The following CASZ1 variants were observed in gnomAD, a reference collection of about 807,000 sequenced individuals.
CASZ1 encodes zinc finger protein castor homolog 1.
A neutral mutation model predicts 135.2 loss-of-function variants in CASZ1; 28 were observed. The ratio of observed to expected loss-of-function variants is 0.21; its 90% CI spans 0.15 to 0.28. The LOEUF (loss-of-function observed/expected upper bound fraction) is 0.28, where lower values mean the gene tolerates loss of function less well. Ranked by LOEUF, CASZ1 falls within the 10% of genes least tolerant of loss-of-function variation. The pLI is 1.00. For missense variants in CASZ1, 2,161 were observed against 2,453.3 expected (o/e 0.88, Z 2.52); for synonymous variants, 1,068 against 1,073.4 (o/e 0.99, Z 0.10).
chr1:10,750,898 C>CAA (rs966893266), intron 2 of CASZ1, among the ~76,000 whole-genome samples: 7 of 149,490 alleles, frequency 4.7e-5, no homozygotes, highest in African/African-American at 1.7e-4. Flanking sequence ...GACTCTGTCT[C>CAA]AAAAAATATA....
In CASZ1 at chr1:10,653,431, T is replaced by A; in HGVS notation, c.2626A>T (p.Met876Leu). The change falls in exon 11 of 21, where the codon ATG becomes TTG. Residue 876 changes from methionine to leucine, a missense_variant. This residue lies in a region of CASZ1 where 406 missense variants were observed against 387.6 expected (regional missense o/e 1.05). Coordinates refer to ENST00000377022, the MANE Select transcript of CASZ1 (RefSeq NM_001079843.3). ...ISASKGLISP[M>L]MARLAAAALK... is the part of the protein sequence containing the mutation. Reference sequence around the variant, plus strand: ...GCAGCTGCAGCCAGCCTGGCCATCATGGGCGAGATGAGGCCCTTGCTTGCA... The same window carrying A: ...GCAGCTGCAGCCAGCCTGGCCATCAAGGGCGAGATGAGGCCCTTGCTTGCA... 1 of 1,613,344 alleles carries A rather than the reference T, an allele frequency of 6.2e-7. No individual in the cohort carries two copies. The highest frequency in any genetic ancestry group is 8.5e-7 in the Non-Finnish European group (1 of 1,180,016).
chr1:10,662,623 C>T (rs144506437), intron 5 of CASZ1, among the ~76,000 whole-genome samples: 111 of 151,836 alleles, frequency 7.3e-4, no homozygotes, highest in Middle Eastern at 3.5e-3. Flanking sequence ...CATCCAGACA[C>T]GCAGTCACAT....
In CASZ1 at chr1:10,719,677, GC is replaced by G. The variant is rs1639460215; in HGVS notation, c.-76-14134del. Among the ~76,000 whole-genome samples the G allele has an allele frequency of 6.6e-6, 1 of 152,232 alleles. No homozygotes were observed. Among genetic ancestry groups the G allele is most frequent in the Non-Finnish European group, 1.5e-5 (1 of 68,044 alleles). ...GAGCTGGGCCATGCCCTCAGGTACT[GC>G]CCAATCCTGAAGCCCGTGGGTCCCA... On this transcript the variant is annotated intron_variant, in intron 2 of 20. Coordinates refer to ENST00000377022, the MANE Select transcript of CASZ1 (RefSeq NM_001079843.3). The surrounding 1 kb of genome is among the most constrained non-coding windows in gnomAD (Gnocchi z 4.0).
At chr1:10,664,101 G>A (rs145136221) in intron 5 of CASZ1, among the ~76,000 whole-genome samples, 52 of 152,342 alleles carry the variant, frequency 3.4e-4, no homozygotes, top group African/African-American at 1.2e-3. Flanking sequence ...CTCTGTCACT[G>A]ATGTGGCGAA....
chr1:10,782,811 G>A (rs1048263008), intron 1 of CASZ1, among the ~76,000 whole-genome samples: 1 of 152,222 alleles, frequency 6.6e-6, no homozygotes, highest in African/African-American at 2.4e-5. Context: ...GCTGGGGCAC[G>A]ACCCCTGCTG....
chr1:10,682,096 A>G lies in CASZ1; in HGVS notation c.16+11778T>C, dbSNP rs1441797015. Among the ~76,000 whole-genome samples, 3 of 152,048 alleles carry G rather than the reference A, an allele frequency of 2.0e-5. No individual in the cohort carries two copies. The East Asian group carries it at 5.8e-4, about 29-fold the overall frequency. ...GGGATTGAAAAAAAGATGGGGGAAAATCCCATACCAAGCCCCACCATCTCC... is the reference window on the plus strand; with the variant it reads ...GGGATTGAAAAAAAGATGGGGGAAAGTCCCATACCAAGCCCCACCATCTCC... On this transcript the variant is annotated intron_variant, in intron 4 of 20. Coordinates refer to ENST00000377022, the MANE Select transcript of CASZ1 (RefSeq NM_001079843.3).
rs143273246 is a variant in CASZ1, at chr1:10,757,564, G to A, written c.-77+3137C>T. Among the ~76,000 whole-genome samples, 2,252 of 152,260 alleles carry A rather than the reference G, an allele frequency of 0.015. 26 individuals are homozygous for A. The highest frequency in any genetic ancestry group is 0.027 in the South Asian group (130 of 4,818). On this transcript the variant is annotated intron_variant, in intron 2 of 20. Coordinates refer to ENST00000377022, the MANE Select transcript of CASZ1 (RefSeq NM_001079843.3). The surrounding 1 kb of genome is among the most constrained non-coding windows in gnomAD (Gnocchi z 4.6). Reference sequence around the variant, plus strand: ...GCACCTTGGGGGGCTGAGGTGGGTGGATCACTTGAGGTTAGGAGTTTGAGA... The same window carrying A: ...GCACCTTGGGGGGCTGAGGTGGGTGAATCACTTGAGGTTAGGAGTTTGAGA...
chr1:10,796,639 G>A lies in CASZ1; in HGVS notation c.-309C>T, dbSNP rs1445675323. 1.3e-5 allele frequency: 2 copies of A among 152,294 alleles called. No homozygotes were observed. Among genetic ancestry groups the A allele is most frequent in the African/African-American group, 4.8e-5 (2 of 41,476 alleles). 9.4% of individuals were successfully genotyped at this position (152,294 alleles called of 1,614,324 possible). Reference sequence around the variant, plus strand: ...GTGTGTGTTTGGGATGGAGCGCCGCGGGCGCGCATGCGCTGCCCAAAGTTG... The same window carrying A: ...GTGTGTGTTTGGGATGGAGCGCCGCAGGCGCGCATGCGCTGCCCAAAGTTG... On this transcript the variant is annotated 5_prime_UTR_variant, in exon 1 of 21. Coordinates refer to ENST00000377022, the MANE Select transcript of CASZ1 (RefSeq NM_001079843.3).
intron 2 of CASZ1, among the ~76,000 whole-genome samples, chr1:10,723,653 AG>A (rs1002849841): frequency 4.2e-4 from 64 of 152,300 alleles, no homozygotes; most frequent in African/African-American, 1.5e-3. Flanking sequence ...CTTAGAGGAA[AG>A]GACCCTCCAG....
chr1:10,686,924 G>A (rs558840842), intron 4 of CASZ1, among the ~76,000 whole-genome samples: 30 of 152,342 alleles, frequency 2.0e-4, no homozygotes, highest in African/African-American at 7.2e-4. Context: ...TGGAGAGCCG[G>A]GTCATCCTTT....
intron 1 of CASZ1, among the ~76,000 whole-genome samples, chr1:10,779,736 A>G (rs551795339): frequency 6.6e-6 from 1 of 152,294 alleles, no homozygotes; most frequent in African/African-American, 2.4e-5. Flanking sequence ...TTTTTCACTC[A>G]TATAATAAAC....
chr1:10,740,847 C>T lies in CASZ1; in HGVS notation c.-77+19854G>A, dbSNP rs531853648. Among the ~76,000 whole-genome samples the T allele has an allele frequency of 8.7e-5, 13 of 149,106 alleles. No homozygotes were observed. The South Asian group carries it at 2.8e-3, about 32-fold the overall frequency. On this transcript the variant is annotated intron_variant, in intron 2 of 20. Coordinates refer to ENST00000377022, the MANE Select transcript of CASZ1 (RefSeq NM_001079843.3). ...GTGGCGCACACCTGTAGTTCTGGCTCCTTGGGAGGCTAAAGTGGGAGGATT... is the reference window on the plus strand; with the variant it reads ...GTGGCGCACACCTGTAGTTCTGGCTTCTTGGGAGGCTAAAGTGGGAGGATT...
At chr1:10,664,558 G>A (rs906037766) in intron 5 of CASZ1, among the ~76,000 whole-genome samples, 21 of 152,118 alleles carry the variant, frequency 1.4e-4, no homozygotes, top group Non-Finnish European at 2.9e-4. Context: ...CAGCGGTGTA[G>A]GGAAGGAAGA....
chr1:10,769,686 T>A (rs1640540282), intron 1 of CASZ1, among the ~76,000 whole-genome samples: 1 of 152,058 alleles, frequency 6.6e-6, no homozygotes, highest in Non-Finnish European at 1.5e-5. Context: ...CCGGCTAATT[T>A]TTGTATTTTT....
rs972888980 is a variant in CASZ1 at position 10,707,779 on chromosome 1, C to T, written c.-76-2235G>A. Among the ~76,000 whole-genome samples the T allele has an allele frequency of 1.3e-5, 2 of 152,128 alleles. No individual in the cohort carries two copies. Among genetic ancestry groups the T allele is most frequent in the South Asian group, 2.1e-4 (1 of 4,826 alleles). ...CTTGTCTCTCTGCCTCTCACTGTCC[C>T]CACTGTCTGCTTTGTGAGTGGCCCA... On this transcript the variant is annotated intron_variant, in intron 2 of 20. Transcript: ENST00000377022. The surrounding 1 kb of genome is among the most constrained non-coding windows in gnomAD (Gnocchi z 5.0).
chr1:10,671,592 TCTCTGTGGCCCCCAC>T (rs1643400769), intron 4 of CASZ1, among the ~76,000 whole-genome samples: 1 of 152,106 alleles, frequency 6.6e-6, no homozygotes, highest in Non-Finnish European at 1.5e-5. Context: ...TCCCCTCCCC[TCTCTGTGGCCCCCAC>T]CTCTGCCAAA....
chr1:10,661,811 C>T (rs1028009003), intron 5 of CASZ1, among the ~76,000 whole-genome samples: 1 of 145,894 alleles, frequency 6.9e-6, no homozygotes, highest in Non-Finnish European at 1.5e-5. Flanking sequence ...ACACACACAC[C>T]CACAGTCACA....
intron 18 of CASZ1, 115 bp downstream of exon 18, chr1:10,644,802 G>C (rs548905818): frequency 9.2e-7 from 1 of 1,091,838 alleles, no homozygotes; most frequent in Admixed American, 2.2e-5. Flanking sequence ...TTAACAAAAC[G>C]TGGAGCCTGC....
chr1:10,640,333 C>G (rs1028488382), intron 20 of CASZ1, among the ~76,000 whole-genome samples: 1 of 152,196 alleles, frequency 6.6e-6, no homozygotes, highest in Non-Finnish European at 1.5e-5. Context: ...CTCTGGGGGA[C>G]GTGGTGGCTG....
Sources: allele counts gnomAD v4.1 joint callset (sites outside exome capture counted in the v4.1 genomes callset), GRCh38; gene constraint gnomAD v4.1.1; regional missense constraint gnomAD v4.1.1; non-coding constraint Gnocchi (gnomAD v3.1); transcripts MANE v1.5; gene names NCBI Gene and HGNC (gene_info 2026-07-23, HGNC 2026-07-21).